SBF2: variants seen among roughly 807,000 people sequenced by gnomAD.
SBF2 encodes the protein SET binding factor 2, also known as myotubularin-related protein 13.
In SBF2, 112 loss-of-function variants were observed where a neutral mutation model predicts 225.2. The ratio of observed to expected loss-of-function variants is 0.50; its 90% CI spans 0.43 to 0.58. The LOEUF (loss-of-function observed/expected upper bound fraction) is 0.58, where lower values mean the gene tolerates loss of function less well. SBF2 is among the 20% of genes least tolerant of loss of function. The pLI is 0.00. For missense variants in SBF2, 1,996 were observed against 2,206.2 expected (o/e 0.90, Z 1.91); for synonymous variants, 763 against 773.3 (o/e 0.99, Z 0.22).
At chr11:9,950,909 C>T (rs1865819841) in intron 16 of SBF2, among the ~76,000 whole-genome samples, 1 of 152,168 alleles carries the variant, frequency 6.6e-6, no homozygotes, top group South Asian at 2.1e-4. Flanking sequence ...GAGACTACTC[C>T]ATGCCAGACA....
intron 2 of SBF2, among the ~76,000 whole-genome samples, chr11:10,084,886 C>G (rs1181559804): frequency 6.6e-6 from 1 of 152,090 alleles, no homozygotes; most frequent in Admixed American, 6.5e-5. Context: ...AATGTGTTCA[C>G]ATGGATGAGA....
At chr11:9,820,737 G>A (rs545050061) in intron 28 of SBF2, among the ~76,000 whole-genome samples, 3 of 152,210 alleles carry the variant, frequency 2.0e-5, no homozygotes, top group Non-Finnish European at 2.9e-5. Context: ...ACATTGTGTC[G>A]ATTATCTGTA....
intron 14 of SBF2, among the ~76,000 whole-genome samples, chr11:9,966,936 T>C (rs1284197092): frequency 6.6e-6 from 1 of 152,130 alleles, no homozygotes; most frequent in Non-Finnish European, 1.5e-5. Context: ...AAAACATATC[T>C]ACACAAAATC....
chr11:9,911,701 G>A (rs568017079), intron 16 of SBF2, among the ~76,000 whole-genome samples: 8 of 152,138 alleles, frequency 5.3e-5, no homozygotes, highest in Non-Finnish European at 1.2e-4. Flanking sequence ...AGTCCTGCAA[G>A]CTCCATTCAC....
intron 2 of SBF2, among the ~76,000 whole-genome samples, chr11:10,145,392 C>T (rs1235930522): frequency 2.0e-5 from 3 of 152,004 alleles, no homozygotes; most frequent in Non-Finnish European, 4.4e-5. Context: ...TTATTTATGA[C>T]CCAGCCTCAG....
intron 23 of SBF2, 34 bp from the exon 24 acceptor site, chr11:9,845,774 A>G (rs953765439): frequency 1.2e-6 from 2 of 1,605,630 alleles, no homozygotes; most frequent in African/African-American, 2.7e-5. Context: ...CAAAAGAAGC[A>G]TTAAGGATTT....
intron 2 of SBF2, among the ~76,000 whole-genome samples, chr11:10,128,613 C>A (rs1303942841): frequency 6.6e-6 from 1 of 152,178 alleles, no homozygotes; most frequent in Non-Finnish European, 1.5e-5. Context: ...ACATTACACA[C>A]TGGTTAAAAA....
intron 17 of SBF2, among the ~76,000 whole-genome samples, chr11:9,872,813 C>T (rs775118621): frequency 4.6e-5 from 7 of 151,848 alleles, no homozygotes; most frequent in African/African-American, 1.2e-4. Flanking sequence ...ATCAGGAGTT[C>T]GAGTAAATAA....
chr11:9,869,105 TATTTG>T (rs1366358598), intron 17 of SBF2, among the ~76,000 whole-genome samples: 1 of 152,240 alleles, frequency 6.6e-6, no homozygotes, highest in Non-Finnish European at 1.5e-5. Context: ...GCAGGATAAA[TATTTG>T]ATTCTATCCC....
chr11:10,153,279 G>A (rs539675350), intron 2 of SBF2, among the ~76,000 whole-genome samples: 75 of 152,160 alleles, frequency 4.9e-4, no homozygotes, highest in African/African-American at 1.7e-3. Flanking sequence ...GGCCAAGGTG[G>A]ACCATATTTG....
intron 1 of SBF2, among the ~76,000 whole-genome samples, chr11:10,213,517 A>G (rs891627807): frequency 4.6e-5 from 7 of 152,236 alleles, no homozygotes; most frequent in Non-Finnish European, 8.8e-5. Context: ...ATTTGATTTC[A>G]TATCAATTGC....
At chr11:9,993,185 T>C in intron 10 of SBF2, 82 bp from the exon 11 acceptor site, 2 of 996,598 alleles carry the variant, frequency 2.0e-6, no homozygotes, top group Non-Finnish European at 3.1e-6. Flanking sequence ...GAAAAGGGCA[T>C]ATATTCCAAG....
intron 1 of SBF2, among the ~76,000 whole-genome samples, chr11:10,225,426 C>T (rs911155234): frequency 1.3e-5 from 2 of 151,366 alleles, no homozygotes; most frequent in Non-Finnish European, 2.9e-5. Context: ...AAAAACCCGT[C>T]GTCTAAGTGG....
chr11:10,196,623 C>A (rs2135339178), intron 1 of SBF2, among the ~76,000 whole-genome samples: 1 of 152,004 alleles, frequency 6.6e-6, no homozygotes, highest in East Asian at 1.9e-4. Flanking sequence ...AAGCAATCCA[C>A]CCGCCTCAGC....
chr11:10,269,506 C>A (rs1424719464), intron 1 of SBF2, among the ~76,000 whole-genome samples: 1 of 152,212 alleles, frequency 6.6e-6, no homozygotes, highest in East Asian at 1.9e-4. Flanking sequence ...TATAAACATA[C>A]ATATCCTTGA....
At chr11:10,171,091 TA>T (rs540013730) in intron 2 of SBF2, among the ~76,000 whole-genome samples, 18 of 152,192 alleles carry the variant, frequency 1.2e-4, no homozygotes, top group Non-Finnish European at 2.6e-4. Flanking sequence ...CAAAGAAGGA[TA>T]ATTTGACTCC....
intron 1 of SBF2, among the ~76,000 whole-genome samples, chr11:10,269,123 T>G (rs1379118316): frequency 1.3e-5 from 2 of 152,182 alleles, no homozygotes; most frequent in Non-Finnish European, 2.9e-5. Flanking sequence ...TCAAAACTAT[T>G]CAAAATGTTC....
intron 6 of SBF2, 104 bp downstream of exon 6, chr11:10,028,348 T>TA (rs989044137): frequency 5.1e-6 from 4 of 789,488 alleles, no homozygotes; most frequent in Non-Finnish European, 9.0e-6. Context: ...TTTAATGGTT[T>TA]AAAAAACATT....
intron 2 of SBF2, among the ~76,000 whole-genome samples, chr11:10,142,950 T>C (rs1452783506): frequency 5.3e-5 from 8 of 152,176 alleles, no homozygotes; most frequent in Non-Finnish European, 8.8e-5. Context: ...GCATATGTAA[T>C]TGACACACTC....
Sources: gnomAD v4.1 joint callset for allele counts (sites outside exome capture counted in the v4.1 genomes callset) on GRCh38, gnomAD v4.1.1 for gene constraint, MANE v1.5 for transcripts, NCBI Gene and HGNC (gene_info 2026-07-23, HGNC 2026-07-21) for gene names.